The following RABEP1 variants were observed in gnomAD, a reference collection of about 807,000 sequenced individuals.
RABEP1 encodes the protein rab GTPase-binding effector protein 1.
Under a neutral mutation model 123.4 loss-of-function variants are expected in RABEP1, and 51 were observed. The ratio of observed to expected loss-of-function variants is 0.41; its 90% CI spans 0.33 to 0.52. The LOEUF is 0.52. RABEP1 is among the 20% of genes least tolerant of loss of function. The pLI, the probability that RABEP1 is intolerant of heterozygous loss-of-function variation, is 0.16. For synonymous variants in RABEP1, 347 were observed against 355.2 expected (o/e 0.98, Z 0.26); for missense variants, 888 against 996.3 (o/e 0.89, Z 1.46).
chr17:5,326,913 C>T (rs1181952853), intron 2 of RABEP1, among the ~76,000 whole-genome samples: 1 of 152,186 alleles, frequency 6.6e-6, no homozygotes, highest in African/African-American at 2.4e-5. Flanking sequence ...AATGTACTGA[C>T]AAAAACCTAG....
At position 5,311,919 on chromosome 17, in the gene RABEP1, A is replaced by G. The variant is rs556624946; in HGVS notation, c.163+3097A>G. On this transcript the variant is annotated intron_variant, in intron 2 of 17. Coordinates refer to ENST00000537505, the MANE Select transcript of RABEP1 (RefSeq NM_004703.6). The stretch of plus-strand genomic sequence containing the variant: ...AACCCTTGGTCTCATGAGTGAGTAA[A>G]TAGAAACAGAGTTTTATTACAGCAA... Among the ~76,000 whole-genome samples, 128 of 152,262 alleles carry G rather than the reference A, an allele frequency of 8.4e-4. 1 individual carries two copies. Among genetic ancestry groups the G allele is most frequent in the Non-Finnish European group, 1.6e-4 (11 of 68,024 alleles).
At chr17:5,362,659 T>G (rs1024365097) in intron 9 of RABEP1, among the ~76,000 whole-genome samples, 1 of 152,198 alleles carries the variant, frequency 6.6e-6, no homozygotes, top group African/African-American at 2.4e-5. Flanking sequence ...TTTGCTTGCT[T>G]TGTGTTTTCC....
chr17:5,340,798 A>T (rs1907531991), intron 5 of RABEP1, among the ~76,000 whole-genome samples: 1 of 151,846 alleles, frequency 6.6e-6, no homozygotes, highest in Non-Finnish European at 1.5e-5. Flanking sequence ...AATGCAAAAA[A>T]TTAGCTGGGC....
rs1418153938 is a variant in RABEP1, at chr17:5,373,370, A to G, written c.1941A>G (p.Lys647=). ...QVSEELVRLQ[K]DNDSLQGKHS... ...CAGAAGAGCTGGTGAGGTTACAGAA[A>G]GATAATGACAGTCTCCAGGGAAAGC... The change falls in exon 13 of 18, where the codon AAA becomes AAG. Residue 647 remains lysine (K), a synonymous_variant. Coordinates refer to ENST00000537505, the MANE Select transcript of RABEP1 (RefSeq NM_004703.6). The G allele has an allele frequency of 1.2e-6, 2 of 1,613,320 alleles. No individual in the cohort carries two copies. The highest frequency in any genetic ancestry group is 2.7e-5 in the African/African-American group (2 of 74,724).
At chr17:5,369,371 G>A (rs886788625) in intron 12 of RABEP1, among the ~76,000 whole-genome samples, 1 of 152,134 alleles carries the variant, frequency 6.6e-6, no homozygotes, top group Non-Finnish European at 1.5e-5. Context: ...TTAAAGTAGA[G>A]GTGGCTCTGC....
At chr17:5,282,714 G>T (rs891937634) in intron 1 of RABEP1, among the ~76,000 whole-genome samples, 194 bp downstream of exon 1, 29 of 148,688 alleles carry the variant, frequency 2.0e-4, no homozygotes, top group Non-Finnish European at 4.1e-4. Flanking sequence ...TCGCTGGGGA[G>T]GGGGCGGGAG....
intron 7 of RABEP1, 27 bp from the exon 8 acceptor site, chr17:5,354,332 A>G: frequency 6.3e-7 from 1 of 1,588,120 alleles, no homozygotes; most frequent in Non-Finnish European, 8.6e-7. Context: ...TACTTGGGTC[A>G]TATATATGTT....
chr17:5,374,517 A>G (rs996696866), intron 13 of RABEP1, among the ~76,000 whole-genome samples: 2 of 151,024 alleles, frequency 1.3e-5, no homozygotes, highest in Admixed American at 6.6e-5. Flanking sequence ...GCTCACTGCA[A>G]CCTCCGCCTC....
intron 2 of RABEP1, among the ~76,000 whole-genome samples, chr17:5,329,019 CTTTTTTT>C (rs760060600): frequency 9.0e-6 from 1 of 110,656 alleles, no homozygotes; most frequent in Middle Eastern, 5.6e-3. Flanking sequence ...TTCAGAAAGA[CTTTTTTT>C]TTTTTTTTTT....
chr17:5,313,240 ATG>A (rs2075262518), intron 2 of RABEP1, among the ~76,000 whole-genome samples: 1 of 152,196 alleles, frequency 6.6e-6, no homozygotes, highest in African/African-American at 2.4e-5. Flanking sequence ...TCTTGTCAAG[ATG>A]ACCTGTAATA....
intron 5 of RABEP1, among the ~76,000 whole-genome samples, chr17:5,341,498 G>C (rs1043410390): frequency 4.6e-5 from 7 of 152,102 alleles, no homozygotes; most frequent in Non-Finnish European, 8.8e-5. Flanking sequence ...ATATTAAACT[G>C]TTGATTTTAC....
rs1435119343 is a variant in RABEP1, at chr17:5,354,387, A to G, written c.992A>G (p.Lys331Arg). 1 of 1,612,858 alleles carries G rather than the reference A, an allele frequency of 6.2e-7. No homozygotes were observed. Among genetic ancestry groups the G allele is most frequent in the Non-Finnish European group, 8.5e-7 (1 of 1,179,458 alleles). Residue 331 changes from lysine (K) to arginine (R), a missense_variant, in exon 8 of 18, where the codon AAG (lysine) becomes AGG (arginine). Transcript: ENST00000537505. ...GATGATGAACAACAAAGACTCAATA[A>G]GAGAAAGGATCACAAAAAAGCAGAT... ...QEDDEQQRLN[K>R]RKDHKKADVE...
At chr17:5,302,500 C>T (rs931038094) in intron 1 of RABEP1, among the ~76,000 whole-genome samples, 1 of 151,820 alleles carries the variant, frequency 6.6e-6, no homozygotes, top group East Asian at 1.9e-4. Flanking sequence ...CTCGGCCTCC[C>T]AAGATGCTGG....
intron 3 of RABEP1, among the ~76,000 whole-genome samples, chr17:5,332,516 A>C (rs16954542): frequency 0.43 from 65,891 of 151,664 alleles, 15,107 homozygotes; most frequent in African/African-American, 0.58. Context: ...GCTGCCATGC[A>C]AAGGGTAAAG....
chr17:5,314,098 G>A (rs1440878732), intron 2 of RABEP1, among the ~76,000 whole-genome samples: 1 of 152,182 alleles, frequency 6.6e-6, no homozygotes, highest in East Asian at 1.9e-4. Flanking sequence ...TTCCCCAATA[G>A]GTCCAGCTTT....
At position 5,377,907 on chromosome 17, in the gene RABEP1, A is replaced by G. The variant is rs567597491; in HGVS notation, c.2216-270A>G. Among the ~76,000 whole-genome samples the G allele has an allele frequency of 3.3e-5, 5 of 152,320 alleles. No individual in the cohort carries two copies. The South Asian group carries it at 1.0e-3, about 32-fold the overall frequency. The stretch of plus-strand genomic sequence containing the variant: ...ATTCTCAGTACTTGAACCCAGAACC[A>G]GGGGAACGTGATTCAATGGGTGGCA... On this transcript the variant is annotated intron_variant, in intron 14 of 17. Coordinates refer to ENST00000537505, the MANE Select transcript of RABEP1 (RefSeq NM_004703.6).
In RABEP1 at chr17:5,361,282, C is replaced by T. The variant is rs779062201; in HGVS notation, c.1170C>T (p.Phe390=). The T allele has an allele frequency of 3.7e-6, 6 of 1,614,036 alleles. No homozygotes were observed. The highest frequency in any genetic ancestry group is 5.1e-6 in the Non-Finnish European group (6 of 1,180,032). ...AGLLLPSGDP[F]SKSDNDMFKD... ...TGCTGTTGCCATCTGGAGATCCTTT[C>T]AGTAAATCGGACAATGACATGTTTA... Residue 390 remains phenylalanine (F), a synonymous_variant, in exon 9 of 18, where the codon TTC becomes TTT. Coordinates refer to ENST00000537505, the MANE Select transcript of RABEP1 (RefSeq NM_004703.6).
intron 2 of RABEP1, among the ~76,000 whole-genome samples, chr17:5,317,449 T>TA (rs1037000179): frequency 2.7e-4 from 41 of 152,174 alleles, no homozygotes; most frequent in Admixed American, 2.6e-3. Context: ...ACAAAAAACT[T>TA]ACAGCTAACA....
intron 11 of RABEP1, among the ~76,000 whole-genome samples, chr17:5,366,195 A>G (rs1909985281): frequency 6.6e-6 from 1 of 152,130 alleles, no homozygotes; most frequent in South Asian, 2.1e-4. Context: ...GTATAATGGT[A>G]TTTCACTGTG....
Sources: gnomAD v4.1 joint callset for allele counts (sites outside exome capture counted in the v4.1 genomes callset) on GRCh38, gnomAD v4.1.1 for gene constraint, MANE v1.5 for transcripts, NCBI Gene and HGNC (gene_info 2026-07-23, HGNC 2026-07-21) for gene names.